SPATA13: variants seen among roughly 807,000 people sequenced by gnomAD.
The protein encoded by SPATA13 is spermatogenesis-associated protein 13.
Under a neutral mutation model 104.0 loss-of-function variants are expected in SPATA13, and 50 were observed. The ratio of observed to expected loss-of-function variants is 0.48; its 90% CI spans 0.38 to 0.61. The LOEUF (loss-of-function observed/expected upper bound fraction) is 0.61. SPATA13 is among the 20% of genes least tolerant of loss of function. The pLI is 0.00. For missense variants in SPATA13, 1,524 were observed against 1,690.6 expected, an observed-to-expected ratio of 0.90 and a Z score of 1.73; for synonymous variants, 606 against 667.5, an observed-to-expected ratio of 0.91 and a Z score of 1.42.
chr13:24,123,191 T>C, intron 3 of SPATA13: 1 of 1,363,652 alleles, frequency 7.3e-7, no homozygotes, highest in South Asian at 1.2e-5. Context: ...TGATGAATGG[T>C]GTGATATATT....
chr13:24,270,176 T>G (rs1874504273), intron 4 of SPATA13, among the ~76,000 whole-genome samples: 1 of 152,212 alleles, frequency 6.6e-6, no homozygotes, highest in African/African-American at 2.4e-5. Context: ...TATGAAAGAC[T>G]TGCTCATTGT....
intron 3 of SPATA13, among the ~76,000 whole-genome samples, chr13:24,038,842 C>T (rs1017803939): frequency 6.6e-6 from 1 of 152,156 alleles, no homozygotes; most frequent in South Asian, 2.1e-4. Context: ...TGGGTGGAAT[C>T]CTGGGGACTC....
chr13:24,006,636 T>C (rs1876245593), intron 2 of SPATA13, among the ~76,000 whole-genome samples: 1 of 152,096 alleles, frequency 6.6e-6, no homozygotes, highest in Admixed American at 6.5e-5. Context: ...TGCCGGCTGA[T>C]TTGGTCACCA....
chr13:24,021,136 T>C (rs1365076341), intron 3 of SPATA13, among the ~76,000 whole-genome samples: 1 of 152,172 alleles, frequency 6.6e-6, no homozygotes, highest in Non-Finnish European at 1.5e-5. Flanking sequence ...GGAAGGTATA[T>C]TGAGTTTCCA....
At position 24,286,159 on chromosome 13, in the gene SPATA13, C is replaced by T. The variant is rs907835023; in HGVS notation, c.2302-55C>T. The T allele has an allele frequency of 2.0e-6, 3 of 1,518,996 alleles. No individual in the cohort carries two copies. Among genetic ancestry groups the T allele is most frequent in the African/African-American group, 2.8e-5 (2 of 72,246 alleles). The allele number at this position is 1,518,996 out of a possible 1,614,324, so 94.1% of individuals were successfully genotyped here. A position where few individuals can be genotyped will look rare whatever the true frequency, so the allele number is the denominator to read the frequency against. The stretch of plus-strand genomic sequence containing the variant: ...GAGAGAGTGCACCTAGTGGCTCCCT[C>T]ACCATCCCGCCCACTCGTGCTCTAT... On this transcript the variant is annotated intron_variant, in intron 5 of 12. Transcript: ENST00000382108. This position sits in a 1 kb window ranked among gnomAD's most constrained non-coding sequence, Gnocchi z 4.9.
At chr13:24,278,567 C>A in intron 4 of SPATA13, 1 of 1,301,756 alleles carries the variant, frequency 7.7e-7, no homozygotes, top group Non-Finnish European at 1.0e-6. Flanking sequence ...CATGAGCTAC[C>A]ACGCCCAGCC....
At chr13:24,295,181 A>G (rs35154160) in intron 10 of SPATA13, among the ~76,000 whole-genome samples, 10,628 of 152,258 alleles carry the variant, frequency 0.07, 463 homozygotes, top group Non-Finnish European at 0.1. Context: ...CACATAACAT[A>G]GTAGTAGAAG....
intron 3 of SPATA13, among the ~76,000 whole-genome samples, chr13:24,050,553 G>A (rs73164008): frequency 1.4e-3 from 215 of 152,288 alleles, no homozygotes; most frequent in Non-Finnish European, 2.5e-3. Flanking sequence ...GGACCCAGCT[G>A]GCATGTGGCT....
intron 3 of SPATA13, among the ~76,000 whole-genome samples, chr13:24,040,034 C>T (rs76008309): frequency 3.5e-4 from 53 of 152,324 alleles, no homozygotes; most frequent in Middle Eastern, 3.4e-3. Flanking sequence ...CAATCACAAG[C>T]ACCGTTTGGT....
At chr13:24,300,333 GA>G in intron 11 of SPATA13, 67 bp from the exon 12 acceptor site, 1 of 1,269,216 alleles carries the variant, frequency 7.9e-7, no homozygotes, top group Non-Finnish European at 1.1e-6. Flanking sequence ...TATGGGCTGT[GA>G]TACAAGTTTT....
At chr13:24,089,543 G>T (rs1184894826) in intron 3 of SPATA13, among the ~76,000 whole-genome samples, 1 of 152,164 alleles carries the variant, frequency 6.6e-6, no homozygotes, top group East Asian at 1.9e-4. Flanking sequence ...ACCCCTCTGG[G>T]CTAGGGCAAT....
In SPATA13 at chr13:24,305,071, G is replaced by T. The variant is rs1877489389; in HGVS notation, c.*2298G>T. 6.6e-6 allele frequency: 1 copy of T among 152,202 alleles called. No individual in the cohort carries two copies. The highest frequency in any genetic ancestry group is 1.5e-5 in the Non-Finnish European group (1 of 68,042). The allele number at this position is 152,202 out of a possible 1,614,324, so 9.4% of individuals were successfully genotyped here. On this transcript the variant is annotated 3_prime_UTR_variant, in exon 13 of 13. Transcript: ENST00000382108. ...ATGTAATATAAGAGAATTAGTTTAA[G>T]GAAGTAAAGAGAATCATTTGCTTGT... is the stretch of plus-strand genomic sequence containing the variant.
intron 3 of SPATA13, among the ~76,000 whole-genome samples, chr13:24,082,455 G>T (rs541807233): frequency 1.3e-5 from 2 of 152,300 alleles, no homozygotes; most frequent in African/African-American, 4.8e-5. Flanking sequence ...GCTCTTTGGA[G>T]AGTTTTGTCC....
intron 3 of SPATA13, among the ~76,000 whole-genome samples, chr13:24,048,705 T>C (rs1466124829): frequency 6.6e-6 from 1 of 152,016 alleles, no homozygotes; most frequent in African/African-American, 2.4e-5. Flanking sequence ...ATAAATTGTA[T>C]AAAGACCCAA....
At chr13:24,014,371 T>C (rs1322568445) in intron 2 of SPATA13, among the ~76,000 whole-genome samples, 3 of 152,076 alleles carry the variant, frequency 2.0e-5, no homozygotes, top group Non-Finnish European at 4.4e-5. Context: ...GGCCCCACTG[T>C]TTCTGGGGCC....
rs998149448 is a variant in SPATA13 at position 24,060,859 on chromosome 13, C to T, written c.-112+43158C>T. Among the ~76,000 whole-genome samples, 6 of 152,116 alleles carry T rather than the reference C, an allele frequency of 3.9e-5. 1 individual carries two copies. The highest frequency in any genetic ancestry group is 7.2e-5 in the African/African-American group (3 of 41,436). On this transcript the variant is annotated intron_variant, in intron 3 of 14. Coordinates refer to the SPATA13 transcript ENST00000424834. ...TTTGAAATCAGCGTGGCCAACATGG[C>T]AAAACCCCGCCTCTACTAAAAATAC...
intron 5 of SPATA13, 115 bp downstream of exon 5, chr13:24,284,386 A>G: frequency 8.6e-7 from 1 of 1,160,298 alleles, no homozygotes; most frequent in African/African-American, 1.5e-5. Context: ...GAAAACCTGG[A>G]ACTCTGATTA....
intron 4 of SPATA13, among the ~76,000 whole-genome samples, chr13:24,259,231 T>C (rs905790897): frequency 4.6e-5 from 7 of 152,212 alleles, no homozygotes; most frequent in Admixed American, 1.3e-4. Flanking sequence ...TTATGGGGGC[T>C]CTTCTTGTGA....
intron 2 of SPATA13, among the ~76,000 whole-genome samples, chr13:24,233,692 G>A (rs1396959217): frequency 1.3e-5 from 2 of 152,000 alleles, no homozygotes; most frequent in Non-Finnish European, 1.5e-5. Context: ...CTTTTTCAAC[G>A]GAAAGTTTCA....
Sources: gnomAD v4.1 joint callset for allele counts (sites outside exome capture counted in the v4.1 genomes callset) on GRCh38, gnomAD v4.1.1 for gene constraint, Gnocchi (gnomAD v3.1) non-coding constraint, MANE v1.5 for transcripts, NCBI Gene and HGNC (gene_info 2026-07-23, HGNC 2026-07-21) for gene names.